MYO5A: variants seen among roughly 807,000 people sequenced by gnomAD.
MYO5A encodes myosin VA.
In MYO5A, 98 loss-of-function variants were observed where a neutral mutation model predicts 249.7. The observed-to-expected ratio is 0.39, with a 90% confidence interval of 0.33 to 0.46. The LOEUF (loss-of-function observed/expected upper bound fraction) is 0.46. Ranked by LOEUF, MYO5A falls within the 20% of genes least tolerant of loss-of-function variation. The probability of loss-of-function intolerance (pLI) is 0.98; values close to 1 mark genes in which losing one functional copy is unlikely to be tolerated. For synonymous variants in MYO5A, 778 were observed against 810.6 expected (o/e 0.96, Z 0.68); for missense variants, 1,696 against 2,308.8 (o/e 0.73, Z 5.44).
chr15:52,513,441 A>ATTTTTTTTTTT, intron 1 of MYO5A, among the ~76,000 whole-genome samples: 1 of 145,096 alleles, frequency 6.9e-6, no homozygotes, highest in Non-Finnish European at 1.5e-5. Flanking sequence ...TAAAAAAAAA[A>ATTTTTTTTTTT]AAGGCATAGT....
chr15:52,486,718 G>C (rs991144496), intron 1 of MYO5A, among the ~76,000 whole-genome samples: 2 of 152,308 alleles, frequency 1.3e-5, no homozygotes, highest in African/African-American at 4.8e-5. Flanking sequence ...ACAAAGGAGA[G>C]CAGTATTACA....
chr15:52,350,307 T>C (rs2039877600), intron 28 of MYO5A, among the ~76,000 whole-genome samples: 1 of 152,218 alleles, frequency 6.6e-6, no homozygotes, highest in African/African-American at 2.4e-5. Flanking sequence ...TCCCCCAAAT[T>C]AGTCAAACAT....
intron 11 of MYO5A, among the ~76,000 whole-genome samples, chr15:52,394,425 C>A (rs748752374): frequency 1.3e-5 from 2 of 152,142 alleles, no homozygotes; most frequent in Non-Finnish European, 2.9e-5. Flanking sequence ...AGAGGACGAG[C>A]AGAGCATTCC....
chr15:52,489,329 C>T (rs938611681), intron 1 of MYO5A, among the ~76,000 whole-genome samples: 6 of 152,158 alleles, frequency 3.9e-5, no homozygotes, highest in Non-Finnish European at 8.8e-5. Flanking sequence ...CTTTGGGAGG[C>T]CGGGGCGGGC....
At chr15:52,409,650 G>A (rs2043159329) in intron 6 of MYO5A, among the ~76,000 whole-genome samples, 1 of 152,146 alleles carries the variant, frequency 6.6e-6, no homozygotes, top group Non-Finnish European at 1.5e-5. Flanking sequence ...TGAGGCTAAT[G>A]AAACCCAAAT....
At chr15:52,328,039 A>T (rs763852139) in intron 35 of MYO5A, 33 bp from the exon 36 acceptor site, 14 of 1,570,328 alleles carry the variant, frequency 8.9e-6, no homozygotes. Context: ...TTTATATAAC[A>T]TGGAAAATTT....
chr15:52,346,552 G>GA, intron 29 of MYO5A, 91 bp from the exon 30 acceptor site: 1 of 801,038 alleles, frequency 1.2e-6, no homozygotes, highest in Non-Finnish European at 2.1e-6. Flanking sequence ...GGGGGGCAGT[G>GA]GTTATGTGCT....
chr15:52,432,211 G>C (rs1182897144), intron 2 of MYO5A, among the ~76,000 whole-genome samples: 1 of 152,214 alleles, frequency 6.6e-6, no homozygotes, highest in Non-Finnish European at 1.5e-5. Flanking sequence ...AAGAAATGGA[G>C]AATCACCACT....
chr15:52,340,342 C>T lies in MYO5A; in HGVS notation c.4093G>A (p.Glu1365Lys), dbSNP rs377031001. 18 of 1,613,754 alleles carry T rather than the reference C, an allele frequency of 1.1e-5. No homozygotes were observed. Among genetic ancestry groups the T allele is most frequent in the Non-Finnish European group, 1.4e-5 (17 of 1,180,040 alleles). The change falls in exon 32 of 42, where the codon GAG becomes AAG. Residue 1365 changes from glutamate (E) to lysine (K), a missense_variant. By Grantham distance (56) the Glu-to-Lys change is moderately conservative (BLOSUM62 1). Around this residue, in one of 5 missense-constraint regions of MYO5A, gnomAD observed 625 missense variants for 908.1 expected, o/e 0.69. Transcript: ENST00000399233. ...CTCTGGATCTCCCCACGGAGGGCCT[C>T]GGCCTCATTCTCATGGCTCCTCTTC... Reference protein sequence around the residue: ...SQKRSHENEAEALRGEIQSLK... With the variant: ...SQKRSHENEAKALRGEIQSLK...
At chr15:52,466,695 C>T (rs1414738600) in intron 1 of MYO5A, among the ~76,000 whole-genome samples, 1 of 152,192 alleles carries the variant, frequency 6.6e-6, no homozygotes, top group Non-Finnish European at 1.5e-5. Flanking sequence ...CCACTCCCAT[C>T]AGGGTAGGTG....
chr15:52,497,660 G>A (rs1367712008), intron 1 of MYO5A, among the ~76,000 whole-genome samples: 1 of 150,050 alleles, frequency 6.7e-6, no homozygotes, highest in Non-Finnish European at 1.5e-5. Context: ...GGGAGGCTGA[G>A]GCAAGAGAAT....
chr15:52,390,090 C>T (rs2042151404), intron 12 of MYO5A, among the ~76,000 whole-genome samples: 1 of 152,018 alleles, frequency 6.6e-6, no homozygotes, highest in African/African-American at 2.4e-5. Flanking sequence ...AAAATTAAAG[C>T]AATTGAACCT....
At chr15:52,466,732 G>A (rs2076361535) in intron 1 of MYO5A, among the ~76,000 whole-genome samples, 1 of 152,172 alleles carries the variant, frequency 6.6e-6, no homozygotes. Context: ...AGCTAACTTA[G>A]CTCCATTCCA....
At chr15:52,336,109 A>G (rs1407272592) in intron 34 of MYO5A, among the ~76,000 whole-genome samples, 1 of 152,206 alleles carries the variant, frequency 6.6e-6, no homozygotes, top group African/African-American at 2.4e-5. Context: ...GCCCAATATC[A>G]TATGATTAAT....
At chr15:52,520,670 A>AACTAAAACTAAAAC (rs1469253525) in intron 1 of MYO5A, among the ~76,000 whole-genome samples, 4 of 152,230 alleles carry the variant, frequency 2.6e-5, no homozygotes, top group Non-Finnish European at 5.9e-5. Flanking sequence ...TGTGGCTGGT[A>AACTAAAACTAAAAC]AACTGACTAA....
intron 1 of MYO5A, among the ~76,000 whole-genome samples, chr15:52,442,739 T>C (rs994399162): frequency 1.4e-5 from 2 of 147,570 alleles, no homozygotes; most frequent in African/African-American, 2.5e-5. Flanking sequence ...TGCCCACCCA[T>C]TGTTAAAACA....
At chr15:52,316,949 G>A (rs1166526095) in intron 40 of MYO5A, 99 bp downstream of exon 40, 1 of 1,307,562 alleles carries the variant, frequency 7.6e-7, no homozygotes, top group Admixed American at 1.7e-5. Flanking sequence ...GATGAAGTCA[G>A]CTCAGAGATA....
At chr15:52,364,130 CG>C (rs2040685262) in intron 24 of MYO5A, among the ~76,000 whole-genome samples, 1 of 151,586 alleles carries the variant, frequency 6.6e-6, no homozygotes, top group African/African-American at 2.4e-5. Context: ...CCCAGCTACT[CG>C]GGAGGCTGAG....
At chr15:52,360,624 T>C (rs934822478) in intron 24 of MYO5A, among the ~76,000 whole-genome samples, 13 of 152,160 alleles carry the variant, frequency 8.5e-5, no homozygotes, top group Non-Finnish European at 1.6e-4. Flanking sequence ...GTGGGCAGGA[T>C]GGACAGTACA....
Sources: allele counts gnomAD v4.1 joint callset (sites outside exome capture counted in the v4.1 genomes callset), GRCh38; gene constraint gnomAD v4.1.1; regional missense constraint gnomAD v4.1.1; transcripts MANE v1.5; gene names NCBI Gene and HGNC (gene_info 2026-07-23, HGNC 2026-07-21).